PTPN20: variants seen among roughly 807,000 people sequenced by gnomAD.
The protein encoded by PTPN20 is protein tyrosine phosphatase non-receptor type 20, also known as tyrosine-protein phosphatase non-receptor type 20.
Under a neutral mutation model 35.0 loss-of-function variants are expected in PTPN20, and 9 were observed. The observed-to-expected ratio is 0.26, with a 90% CI of 0.15 to 0.45. The LOEUF (loss-of-function observed/expected upper bound fraction) is 0.45. Ranked by LOEUF, PTPN20 falls within the 20% of genes least tolerant of loss-of-function variation. PTPN20 has a pLI of 1.00. For missense variants in PTPN20, 111 were observed against 312.5 expected, an observed-to-expected ratio of 0.36 and a Z score of 4.86; for synonymous variants, 32 against 100.2, an observed-to-expected ratio of 0.32 and a Z score of 4.06.
chr10:46,983,065 C>CT (rs74898545), intron 7 of PTPN20, among the ~76,000 whole-genome samples: 4,897 of 101,818 alleles, frequency 0.048, 202 homozygotes, highest in Non-Finnish European at 0.067. Flanking sequence ...ATATATCTAG[C>CT]TTTTTTTTTT....
chr10:46,970,476 G>GAC (rs2051733153), intron 7 of PTPN20, among the ~76,000 whole-genome samples: 3 of 118,938 alleles, frequency 2.5e-5, no homozygotes, highest in Admixed American at 8.8e-5. Context: ...GTCTCTCAAT[G>GAC]GTAAACCCCT....
rs1020757588 is a variant in PTPN20 at position 46,998,578 on chromosome 10, A to T, written c.1135-1334A>T. Among the ~76,000 whole-genome samples the T allele has an allele frequency of 1.3e-5, 2 of 152,144 alleles. 1 individual carries two copies. Among genetic ancestry groups the T allele is most frequent in the South Asian group, 4.1e-4 (2 of 4,832 alleles). ...CTGGACTGTGGTTATAGTTACATGA[A>T]TCTTCACATATGATATAATTGCATG... On this transcript the variant is annotated intron_variant, in intron 9 of 10. Transcript: ENST00000374339.
intron 5 of PTPN20, among the ~76,000 whole-genome samples, chr10:46,951,312 T>C (rs2046582886): frequency 1.3e-5 from 2 of 152,012 alleles, no homozygotes; most frequent in South Asian, 2.1e-4. Flanking sequence ...TATCTTAATA[T>C]ATGTTTATTA....
In PTPN20 at chr10:47,000,963, TC is replaced by T; in HGVS notation, c.*225del. On this transcript the variant is annotated 3_prime_UTR_variant, in exon 11 of 11. Coordinates refer to ENST00000374339, the MANE Select transcript of PTPN20 (RefSeq NM_001042357.5). ...CTTGCTAGACAATATCAAAATAACTTCCCACATTTTCCAGTGAAACAGATGT... is the reference window on the plus strand; with the variant it reads ...CTTGCTAGACAATATCAAAATAACTTCCACATTTTCCAGTGAAACAGATGT... 1.7e-6 allele frequency: 1 copy of T among 600,322 alleles called. No individual in the cohort carries two copies. The highest frequency in any genetic ancestry group is 3.0e-6 in the Non-Finnish European group (1 of 332,608). The allele number at this position is 600,322 out of a possible 1,614,324, so 37.2% of individuals were successfully genotyped here. A position where few individuals can be genotyped will look rare whatever the true frequency, so the allele number is the denominator to read the frequency against.
intron 9 of PTPN20, among the ~76,000 whole-genome samples, chr10:46,988,774 G>T (rs1589894305): frequency 6.6e-6 from 1 of 150,798 alleles, no homozygotes; most frequent in African/African-American, 2.4e-5. Context: ...TGTCCTCTTC[G>T]TTTCTTTCAT....
intron 1 of PTPN20, among the ~76,000 whole-genome samples, chr10:46,925,617 A>G (rs1447732818): frequency 6.7e-6 from 1 of 148,248 alleles, no homozygotes; most frequent in Non-Finnish European, 1.5e-5. Flanking sequence ...TCTCATTATT[A>G]ACTTATCACG....
chr10:46,954,862 C>T (rs2047984649), intron 5 of PTPN20, among the ~76,000 whole-genome samples: 1 of 151,302 alleles, frequency 6.6e-6, no homozygotes, highest in African/African-American at 2.5e-5. Flanking sequence ...ACAACTGGCC[C>T]TCCTTATCTG....
chr10:46,926,559 G>A (rs1589222813), intron 1 of PTPN20, among the ~76,000 whole-genome samples: 1 of 151,070 alleles, frequency 6.6e-6, no homozygotes, highest in East Asian at 1.9e-4. Context: ...AACTTAGAAA[G>A]TGAGATATAA....
At chr10:46,988,697 C>G (rs79822668) in intron 9 of PTPN20, among the ~76,000 whole-genome samples, 320 of 151,478 alleles carry the variant, frequency 2.1e-3, no homozygotes, top group African/African-American at 6.9e-3. Context: ...GGATGTCACT[C>G]TTTTTTTATG....
At chr10:46,975,577 A>G (rs2053269418) in intron 7 of PTPN20, among the ~76,000 whole-genome samples, 2 of 152,024 alleles carry the variant, frequency 1.3e-5, no homozygotes, top group Non-Finnish European at 2.9e-5. Context: ...TCACACTGCA[A>G]ATAGGAGAGA....
At chr10:46,996,685 T>G (rs2059153811) in intron 9 of PTPN20, among the ~76,000 whole-genome samples, 1 of 152,180 alleles carries the variant, frequency 6.6e-6, no homozygotes. Flanking sequence ...GAAGATTCAT[T>G]TTTTGGCCTA....
chr10:46,989,920 GA>G (rs2057595275), intron 9 of PTPN20, among the ~76,000 whole-genome samples: 1 of 67,566 alleles, frequency 1.5e-5, no homozygotes, highest in Non-Finnish European at 3.0e-5. Flanking sequence ...ATTTCCTCTA[GA>G]TTTTCTATTT....
downstream of PTPN20, among the ~76,000 whole-genome samples, chr10:47,003,242 G>A (rs1177333768): frequency 3.3e-5 from 5 of 152,040 alleles, 1 homozygote; most frequent in East Asian, 5.8e-4. Context: ...AAACTTGAAC[G>A]TGATAACATT....
At chr10:46,995,333 C>CTTTTTTTTTTTTTTTTTTT (rs878968027) in intron 9 of PTPN20, among the ~76,000 whole-genome samples, 9 of 85,680 alleles carry the variant, frequency 1.1e-4, no homozygotes, top group African/African-American at 1.4e-4. Flanking sequence ...TTTTTTTTTT[C>CTTTTTTTTTTTTTTTTTTT]TTTTTTTTTT....
chr10:46,998,326 A>G (rs1462412054), intron 9 of PTPN20, among the ~76,000 whole-genome samples: 1 of 152,208 alleles, frequency 6.6e-6, no homozygotes, highest in Non-Finnish European at 1.5e-5. Context: ...TACACCAACA[A>G]CTTGGATGGA....
chr10:47,000,949 A>G lies in PTPN20; in HGVS notation c.*208A>G. The G allele has an allele frequency of 3.2e-6, 2 of 623,648 alleles. No homozygotes were observed. Among genetic ancestry groups the G allele is most frequent in the Non-Finnish European group, 2.9e-6 (1 of 346,986 alleles). 38.6% of individuals were successfully genotyped at this position (623,648 alleles called of 1,614,324 possible). A position where few individuals can be genotyped will look rare whatever the true frequency, so the allele number is the denominator to read the frequency against. On this transcript the variant is annotated 3_prime_UTR_variant, in exon 11 of 11. Coordinates refer to ENST00000374339, the MANE Select transcript of PTPN20 (RefSeq NM_001042357.5). ...GTTTACTTATTGATCTTGCTAGACA[A>G]TATCAAAATAACTTCCCACATTTTC...
chr10:47,003,001 C>T (rs1186562230), downstream of PTPN20, among the ~76,000 whole-genome samples: 6 of 152,010 alleles, frequency 3.9e-5, no homozygotes, highest in East Asian at 1.9e-4. Flanking sequence ...TCTAATTCCT[C>T]GGAAGAATTC....
intron 1 of PTPN20, among the ~76,000 whole-genome samples, chr10:46,931,420 A>AAC (rs2039549036): frequency 7.0e-6 from 1 of 142,832 alleles, no homozygotes; most frequent in Admixed American, 6.8e-5. Flanking sequence ...TTTTTCTGCC[A>AAC]CAGGGTCTGG....
chr10:47,000,540 T>G, intron 10 of PTPN20, 136 bp from the exon 11 acceptor site: 3 of 927,718 alleles, frequency 3.2e-6, no homozygotes, highest in Non-Finnish European at 5.0e-6. Context: ...GTAAAGTTCT[T>G]AAGTGTTTAT....
Sources: allele counts gnomAD v4.1 joint callset (sites outside exome capture counted in the v4.1 genomes callset), GRCh38; gene constraint gnomAD v4.1.1; transcripts MANE v1.5; gene names NCBI Gene and HGNC (gene_info 2026-07-23, HGNC 2026-07-21).